VMP1: variants seen among roughly 807,000 people sequenced by gnomAD.
The protein encoded by VMP1 is ectopic P-granules autophagy protein 3 homolog.
Under a neutral mutation model 56.0 loss-of-function variants are expected in VMP1, and 11 were observed. The ratio of observed to expected loss-of-function variants is 0.20; its 90% CI spans 0.12 to 0.32. The LOEUF is 0.32. Ranked by LOEUF, VMP1 falls within the 10% of genes least tolerant of loss-of-function variation. The pLI is 1.00. For synonymous variants in VMP1, 149 were observed against 165.0 expected, an observed-to-expected ratio of 0.90 and a Z score of 0.74; for missense variants, 296 against 490.3, an observed-to-expected ratio of 0.60 and a Z score of 3.74.
rs375866086 is a variant in VMP1 at position 59,725,290 on chromosome 17, A to G, written c.-26-6131A>G. 9.2e-5 allele frequency among the ~76,000 whole-genome samples: 14 copies of G among 152,358 alleles called. No homozygotes were observed. In the East Asian group the frequency reaches 1.9e-3, roughly 21 times the overall value. Reference sequence around the variant, plus strand: ...ATGTTCAGCTTCTTAGACAGATCATAAGAATGCAGATGATTCTGGAGGCAC... The same window carrying G: ...ATGTTCAGCTTCTTAGACAGATCATGAGAATGCAGATGATTCTGGAGGCAC... On this transcript the variant is annotated intron_variant, in intron 1 of 11. Coordinates refer to ENST00000262291, the MANE Select transcript of VMP1 (RefSeq NM_030938.5).
chr17:59,754,164 C>T (rs1228695478), intron 5 of VMP1, among the ~76,000 whole-genome samples: 1 of 151,994 alleles, frequency 6.6e-6, no homozygotes. Context: ...CCCTGAAGTA[C>T]AGGTCAATTG....
intron 6 of VMP1, among the ~76,000 whole-genome samples, chr17:59,772,133 G>A (rs928094661): frequency 4.0e-5 from 6 of 151,834 alleles, no homozygotes; most frequent in Non-Finnish European, 5.9e-5. Flanking sequence ...TGGGACTACA[G>A]TCACGCACCA....
intron 11 of VMP1, 107 bp downstream of exon 11, chr17:59,838,504 A>G (rs1201571323): frequency 1.2e-5 from 14 of 1,155,158 alleles, no homozygotes; most frequent in African/African-American, 1.5e-5. Context: ...TTGGTTTGCC[A>G]GTGTTCCTTG....
chr17:59,766,490 G>A (rs150909194), intron 6 of VMP1, among the ~76,000 whole-genome samples: 9 of 152,180 alleles, frequency 5.9e-5, no homozygotes, highest in East Asian at 1.9e-4. Flanking sequence ...GCTACAGAGC[G>A]AGACTACATC....
At chr17:59,717,801 T>C (rs575139504) in intron 1 of VMP1, among the ~76,000 whole-genome samples, 1 of 152,186 alleles carries the variant, frequency 6.6e-6, no homozygotes, top group Admixed American at 6.5e-5. Flanking sequence ...GTGCCTGTTA[T>C]CCCAACTACT....
At chr17:59,762,211 T>C (rs1003434828) in intron 5 of VMP1, among the ~76,000 whole-genome samples, 2 of 152,184 alleles carry the variant, frequency 1.3e-5, no homozygotes, top group Non-Finnish European at 2.9e-5. Context: ...TAGACCAGGA[T>C]CCCTAACCCA....
chr17:59,728,448 G>A (rs1436769361), intron 1 of VMP1, among the ~76,000 whole-genome samples: 1 of 151,720 alleles, frequency 6.6e-6, no homozygotes. Flanking sequence ...TCATATATCT[G>A]ACTTTGAATT....
intron 1 of VMP1, among the ~76,000 whole-genome samples, chr17:59,722,075 C>G (rs1261751825): frequency 6.6e-6 from 1 of 152,144 alleles, no homozygotes; most frequent in Non-Finnish European, 1.5e-5. Context: ...TAGAGTACCA[C>G]CCTTATTACC....
chr17:59,790,320 A>G (rs2037180661), intron 7 of VMP1, among the ~76,000 whole-genome samples: 1 of 152,102 alleles, frequency 6.6e-6, no homozygotes, highest in South Asian at 2.1e-4. Context: ...CTCCCCTCAA[A>G]AGTAGGGATA....
chr17:59,758,351 T>G (rs1314997866), intron 5 of VMP1, among the ~76,000 whole-genome samples: 1 of 152,188 alleles, frequency 6.6e-6, no homozygotes, highest in African/African-American at 2.4e-5. Context: ...CAATTATCAG[T>G]GTAGTTGTTC....
At position 59,839,984 on chromosome 17, in the gene VMP1, G is replaced by A; in HGVS notation, c.*73G>A. The stretch of plus-strand genomic sequence containing the variant: ...TTAAATTGGGAGGACTCCAAGCCGG[G>A]AAGGAAAATTCCCTTTTCCAACCTG... On this transcript the variant is annotated 3_prime_UTR_variant, in exon 12 of 12. Transcript: ENST00000262291. 6.4e-7 allele frequency: 1 copy of A among 1,563,784 alleles called. No homozygotes were observed. The highest frequency in any genetic ancestry group is 8.6e-7 in the Non-Finnish European group (1 of 1,161,128).
At chr17:59,818,851 G>A (rs915813252) in intron 10 of VMP1, among the ~76,000 whole-genome samples, 26 of 152,050 alleles carry the variant, frequency 1.7e-4, no homozygotes, top group Non-Finnish European at 3.2e-4. Flanking sequence ...GCTGCCCCAC[G>A]GGGGAAATGT....
chr17:59,801,091 A>AAAAT (rs1307645697), intron 7 of VMP1, among the ~76,000 whole-genome samples: 1,533 of 109,088 alleles, frequency 0.014, 40 homozygotes, highest in East Asian at 0.038. Context: ...AAAAAAAAAA[A>AAAAT]ATATATATAT....
rs1314650731 is a variant in VMP1, at chr17:59,841,321, C to T, written c.*1410C>T. On this transcript the variant is annotated 3_prime_UTR_variant, in exon 12 of 12. Coordinates refer to ENST00000262291, the MANE Select transcript of VMP1 (RefSeq NM_030938.5). ...TGTTGAATCTCATGGCAACACCAGT[C>T]GATGGGCTGTCTGACATTTTGGTAT... 2 of 511,112 alleles carry T rather than the reference C, an allele frequency of 3.9e-6. No homozygotes were observed. The highest frequency in any genetic ancestry group is 8.3e-6 in the Non-Finnish European group (2 of 241,802). 31.7% of individuals were successfully genotyped at this position (511,112 alleles called of 1,614,324 possible).
intron 5 of VMP1, among the ~76,000 whole-genome samples, chr17:59,763,430 CA>C (rs1568101752): frequency 6.6e-6 from 1 of 151,840 alleles, no homozygotes; most frequent in African/African-American, 2.4e-5. Flanking sequence ...TCTGCATTTC[CA>C]AGAATTAAAA....
intron 7 of VMP1, among the ~76,000 whole-genome samples, chr17:59,795,816 T>A (rs1253814386): frequency 6.6e-6 from 1 of 152,214 alleles, no homozygotes. Context: ...AGGTGTTTTT[T>A]GTCTCTTGAC....
chr17:59,740,026 G>A (rs1251261978), intron 5 of VMP1, among the ~76,000 whole-genome samples: 9 of 149,658 alleles, frequency 6.0e-5, no homozygotes, highest in East Asian at 3.9e-4. Context: ...GCAGTGAGCC[G>A]AGATCACGCC....
intron 1 of VMP1, among the ~76,000 whole-genome samples, chr17:59,726,372 C>T (rs915038210): frequency 6.6e-5 from 10 of 151,408 alleles, no homozygotes; most frequent in Non-Finnish European, 1.2e-4. Flanking sequence ...CGGCTCCCTG[C>T]GACCTCCACC....
At chr17:59,807,498 G>T (rs2037885889) in intron 7 of VMP1, among the ~76,000 whole-genome samples, 1 of 151,742 alleles carries the variant, frequency 6.6e-6, no homozygotes, top group Admixed American at 6.6e-5. Flanking sequence ...CGCCCGGCCG[G>T]ATCTGTCCAC....
Sources: gnomAD v4.1 joint callset for allele counts (sites outside exome capture counted in the v4.1 genomes callset) on GRCh38, gnomAD v4.1.1 for gene constraint, MANE v1.5 for transcripts, NCBI Gene and HGNC (gene_info 2026-07-23, HGNC 2026-07-21) for gene names.